The following TRIM52 variants were observed in gnomAD, a reference collection of about 807,000 sequenced individuals.
TRIM52 encodes E3 ubiquitin-protein ligase TRIM52.
A neutral mutation model predicts 27.0 loss-of-function variants in TRIM52; 24 were observed. That is an observed-to-expected ratio of 0.89 (90% CI 0.64 to 1.25). The LOEUF is 1.25. TRIM52 is among the 50% of genes most tolerant of loss of function. The pLI is 0.00. For synonymous variants in TRIM52, 125 were observed against 126.5 expected (o/e 0.99, Z 0.08); for missense variants, 351 against 354.7 (o/e 0.99, Z 0.08).
chr5:181,258,944 A>G (rs953917240), intron 1 of TRIM52: 3 of 152,216 alleles, frequency 2.0e-5, no homozygotes, highest in Non-Finnish European at 4.4e-5. Flanking sequence ...ACTGTAAAGC[A>G]CTACTAAGAC....
In TRIM52 at chr5:181,255,473, T is replaced by C. The variant is rs1307681054; in HGVS notation, c.*1336A>G. The C allele has an allele frequency of 6.6e-6, 1 of 152,218 alleles. No homozygotes were observed. Among genetic ancestry groups the C allele is most frequent in the African/African-American group, 2.4e-5 (1 of 41,464 alleles). The allele number at this position is 152,218 out of a possible 1,614,324, so 9.4% of individuals were successfully genotyped here. On this transcript the variant is annotated 3_prime_UTR_variant, in exon 2 of 2. Transcript: ENST00000688015. ...GAGTTTCACAAACTCCTCTTGAAGC[T>C]CTTCCAGTGAGGCCTGCACATCGGT...
Position 181,260,842 on chromosome 5 carries a change from G to T in TRIM52, c.-29C>A. The T allele has an allele frequency of 6.4e-7, 1 of 1,557,242 alleles. No individual in the cohort carries two copies. Among genetic ancestry groups the T allele is most frequent in the South Asian group, 1.2e-5 (1 of 81,766 alleles). On this transcript the variant is annotated 5_prime_UTR_variant, in exon 1 of 2. Coordinates refer to ENST00000688015, the MANE Select transcript of TRIM52 (RefSeq NM_001346048.2). This position sits in a 1 kb window ranked among gnomAD's most constrained non-coding sequence, Gnocchi z 4.4. ...AATGCCCGCCGGCAGGTGTAGATAC[G>T]TCAGCTTGGAGCTGAGGAGCGGGGA...
At position 181,260,132 on chromosome 5, in the gene TRIM52, AG is replaced by A; in HGVS notation, c.681del (p.Phe228LeufsTer7). On this transcript the variant is annotated frameshift_variant, in exon 1 of 2. Transcript: ENST00000688015. LOFTEE classifies it high-confidence loss of function. This position sits in a 1 kb window ranked among gnomAD's most constrained non-coding sequence, Gnocchi z 4.4. ...AGTTTCAGGGCTTCCTGGTGTTTAAAGCACATGCCCTGATCATTACTCCGGT... is the reference window on the plus strand; with the variant it reads ...AGTTTCAGGGCTTCCTGGTGTTTAAACACATGCCCTGATCATTACTCCGGT... ...RGNRSNDQGM[C>X]FKHQEALKLF... 6.2e-7 allele frequency: 1 copy of A among 1,614,226 alleles called. No homozygotes were observed. The highest frequency in any genetic ancestry group is 8.5e-7 in the Non-Finnish European group (1 of 1,180,040).
chr5:181,257,454 A>C, intron 1 of TRIM52: 1 of 1,613,080 alleles, frequency 6.2e-7, no homozygotes, highest in Non-Finnish European at 8.5e-7. Flanking sequence ...TTCTTGCTCT[A>C]TCTGAAGTAT....
downstream of TRIM52, among the ~76,000 whole-genome samples, chr5:181,249,827 G>GTTTTTTTTTTTTTTTTTTTTTT (rs1237894738): frequency 1.6e-5 from 2 of 128,474 alleles, no homozygotes; most frequent in African/African-American, 6.1e-5. Context: ...ATCACTTGCA[G>GTTTTTTTTTTTTTTTTTTTTTT]TTTTTTTTTT....
chr5:181,249,827 G>GTTTT (rs1237894738), downstream of TRIM52, among the ~76,000 whole-genome samples: 19 of 128,474 alleles, frequency 1.5e-4, no homozygotes, highest in African/African-American at 4.2e-4. Context: ...ATCACTTGCA[G>GTTTT]TTTTTTTTTT....
chr5:181,249,063 T>G, the TRIM52 span, among the ~76,000 whole-genome samples: 4 of 152,174 alleles, frequency 2.6e-5, no homozygotes, highest in African/African-American at 9.7e-5. Context: ...CTAGACTGCT[T>G]CTTTTTTTAG....
chr5:181,260,287 G>A lies in TRIM52; in HGVS notation c.527C>T (p.Pro176Leu). The A allele has an allele frequency of 6.2e-7, 1 of 1,614,140 alleles. No homozygotes were observed. The highest frequency in any genetic ancestry group is 1.3e-5 in the African/African-American group (1 of 75,024). The change falls in exon 1 of 2, where the codon CCC (proline) becomes CTC (leucine). Residue 176 changes from proline (P) to leucine (L), a missense_variant. Physicochemically the swap from Pro to Leu is moderately conservative, Grantham distance 98. Transcript: ENST00000688015. The surrounding 1 kb of genome is among the most constrained non-coding windows in gnomAD (Gnocchi z 4.4). ...GGGGCAGGTGAACTGCCCTGGAAGG[G>A]GCAAGGAAGGAGGCGGGTGGATGTC... The part of the protein sequence containing the change: ...YPDIHPPPSL[P>L]LPGQFTCPQC...
intron 1 of TRIM52, chr5:181,257,757 C>T (rs528595804): frequency 1.8e-4 from 38 of 210,786 alleles, no homozygotes; most frequent in African/African-American, 2.5e-4. Context: ...TTTGGGAGGC[C>T]GAGGCGGGGG....
In TRIM52 at chr5:181,256,086, G is replaced by T. The variant is rs1759763827; in HGVS notation, c.*723C>A. ...GGTAATCAGTGAAAGTTCATGCTTG[G>T]TGGTGACAGCTGCAGTACATCTTGA... On this transcript the variant is annotated 3_prime_UTR_variant, in exon 2 of 2. Transcript: ENST00000688015. 1 of 152,196 alleles carries T rather than the reference G, an allele frequency of 6.6e-6. No individual in the cohort carries two copies. The highest frequency in any genetic ancestry group is 6.5e-5 in the Admixed American group (1 of 15,276). 9.4% of individuals were successfully genotyped at this position (152,196 alleles called of 1,614,324 possible).
chr5:181,260,900 G>A lies in TRIM52; in HGVS notation c.-87C>T. 1 of 1,480,560 alleles carries A rather than the reference G, an allele frequency of 6.8e-7. No homozygotes were observed. 91.7% of individuals were successfully genotyped at this position (1,480,560 alleles called of 1,614,324 possible). On this transcript the variant is annotated 5_prime_UTR_variant, in exon 1 of 2. Coordinates refer to ENST00000688015, the MANE Select transcript of TRIM52 (RefSeq NM_001346048.2). This position sits in a 1 kb window ranked among gnomAD's most constrained non-coding sequence, Gnocchi z 4.4. ...GCAGGCCTGCCTCCAAACTACTCTG[G>A]TGACCCGAGGCTGTCCTCAACCTTG...
In TRIM52 at chr5:181,260,427, CTCTTCTTCT is replaced by C; in HGVS notation, c.378_386del (p.Glu128_Glu130del). On this transcript the variant is annotated inframe_deletion, in exon 1 of 2. Transcript: ENST00000688015. This position sits in a 1 kb window ranked among gnomAD's most constrained non-coding sequence, Gnocchi z 4.4. Reference sequence around the variant, plus strand: ...CTCCTAGGTAATAGTCCTGATCTTCCTCTTCTTCTTCTTCCTCCTCGTCCCACATATAGT... The same window carrying C: ...CTCCTAGGTAATAGTCCTGATCTTCCTCTTCCTCCTCGTCCCACATATAGT... 1.2e-6 allele frequency: 2 copies of C among 1,613,356 alleles called. No individual in the cohort carries two copies. The highest frequency in any genetic ancestry group is 8.5e-7 in the Non-Finnish European group (1 of 1,179,886).
downstream of TRIM52, among the ~76,000 whole-genome samples, chr5:181,253,286 C>T (rs796988877): frequency 2.8e-5 from 4 of 142,130 alleles, no homozygotes; most frequent in South Asian, 2.3e-4. Context: ...CTGCCTACCT[C>T]GGCCTCCCAA....
At chr5:181,251,468 C>CA (rs905686485), downstream of TRIM52, among the ~76,000 whole-genome samples, 2 of 152,028 alleles carry the variant, frequency 1.3e-5, no homozygotes, top group African/African-American at 4.8e-5. Flanking sequence ...AACAAACAAA[C>CA]AAAAAAACCC....
rs1759774834 is a variant in TRIM52 at position 181,256,324 on chromosome 5, C to T, written c.*485G>A. 1 of 151,856 alleles carries T rather than the reference C, an allele frequency of 6.6e-6. No individual in the cohort carries two copies. Among genetic ancestry groups the T allele is most frequent in the Non-Finnish European group, 1.5e-5 (1 of 68,014 alleles). The allele number at this position is 151,856 out of a possible 1,614,324, so 9.4% of individuals were successfully genotyped here. A position where few individuals can be genotyped will look rare whatever the true frequency, so the allele number is the denominator to read the frequency against. ...CTGAATGTAAGCAAAGTACAGTTTT[C>T]TTCATCAGTAGATTCATCTCAACCA... On this transcript the variant is annotated 3_prime_UTR_variant, in exon 2 of 2. Coordinates refer to ENST00000688015, the MANE Select transcript of TRIM52 (RefSeq NM_001346048.2).
At chr5:181,259,644 C>A (rs971119168) in intron 1 of TRIM52, 1 of 353,518 alleles carries the variant, frequency 2.8e-6, no homozygotes, top group African/African-American at 2.1e-5. Context: ...CTGTACCTGT[C>A]CCAGGGAATT....
downstream of TRIM52, among the ~76,000 whole-genome samples, chr5:181,250,136 T>G (rs1204114287): frequency 6.6e-6 from 1 of 151,790 alleles, no homozygotes; most frequent in South Asian, 2.1e-4. Context: ...CATTCTGTTG[T>G]CTGTTGGGGC....
In TRIM52 at chr5:181,261,005, T is replaced by C. The variant is rs1227491288; in HGVS notation, c.-192A>G. The C allele has an allele frequency of 2.6e-6, 2 of 757,764 alleles. No individual in the cohort carries two copies. Among genetic ancestry groups the C allele is most frequent in the Non-Finnish European group, 4.1e-6 (2 of 489,562 alleles). 46.9% of individuals were successfully genotyped at this position (757,764 alleles called of 1,614,324 possible). On this transcript the variant is annotated 5_prime_UTR_variant, in exon 1 of 2. Transcript: ENST00000688015. ...CGCCCAGATCCAGACTCACAGCCTC[T>C]CTCTGGGATCGGTGGGGACAGAGCA...
downstream of TRIM52, chr5:181,255,048 CCACA>C (rs1330381472): frequency 6.6e-6 from 1 of 152,120 alleles, no homozygotes; most frequent in Non-Finnish European, 1.5e-5. Flanking sequence ...TTTTTGTAAC[CCACA>C]CTTCTACTTT....
Sources: allele counts gnomAD v4.1 joint callset (sites outside exome capture counted in the v4.1 genomes callset), GRCh38; gene constraint gnomAD v4.1.1; non-coding constraint Gnocchi (gnomAD v3.1); transcripts MANE v1.5; gene names NCBI Gene and HGNC (gene_info 2026-07-23, HGNC 2026-07-21).